Variants in SPATA13 observed in about 807,000 individuals in gnomAD.
The protein encoded by SPATA13 is spermatogenesis-associated protein 13.
Under a neutral mutation model 104.0 loss-of-function variants are expected in SPATA13, and 50 were observed. The observed-to-expected ratio is 0.48, with a 90% CI of 0.38 to 0.61. The LOEUF is 0.61. Among genes scored for constraint, SPATA13 ranks in the 20% least tolerant of loss-of-function variants. The pLI is 0.00. For synonymous variants in SPATA13, 606 were observed against 667.5 expected, an observed-to-expected ratio of 0.91 and a Z score of 1.42; for missense variants, 1,524 against 1,690.6, an observed-to-expected ratio of 0.90 and a Z score of 1.73.
chr13:24,160,171 G>A (rs967433540), upstream of SPATA13, among the ~76,000 whole-genome samples: 1 of 152,244 alleles, frequency 6.6e-6, no homozygotes, highest in African/African-American at 2.4e-5. Context: ...AGTGGGGCAC[G>A]GTTGCCCCGG....
intron 1 of SPATA13, among the ~76,000 whole-genome samples, chr13:23,980,180 G>C (rs1045091783): frequency 6.6e-6 from 1 of 151,860 alleles, no homozygotes; most frequent in East Asian, 1.9e-4. Context: ...GCGAGACTCC[G>C]TCTCAAAAAA....
chr13:24,291,906 G>A (rs7995088), intron 9 of SPATA13, among the ~76,000 whole-genome samples: 3,151 of 150,852 alleles, frequency 0.021, 118 homozygotes, highest in African/African-American at 0.071. Context: ...ACAGGCGCCC[G>A]CCACCGCGCC....
In SPATA13 at chr13:24,293,316, A is replaced by G. The variant is rs575378771; in HGVS notation, c.3081-1423A>G. Among the ~76,000 whole-genome samples the G allele has an allele frequency of 2.6e-5, 4 of 152,194 alleles. No homozygotes were observed. The South Asian group carries it at 8.3e-4, about 32-fold the overall frequency. On this transcript the variant is annotated intron_variant, in intron 9 of 12. Coordinates refer to ENST00000382108, the MANE Select transcript of SPATA13 (RefSeq NM_001166271.3). ...AAATACCTTCTACAGATTTTCAAAG[A>G]CACTTTTAAGAAAATGTCCTGATGG...
chr13:24,007,817 C>A (rs1270377335), intron 2 of SPATA13, among the ~76,000 whole-genome samples: 1 of 152,208 alleles, frequency 6.6e-6, no homozygotes, highest in Non-Finnish European at 1.5e-5. Context: ...TCAGCTCATG[C>A]ATTCACTGTG....
rs965867711 is a variant in SPATA13 at position 24,286,473 on chromosome 13, T to C, written c.2481+80T>C. The C allele has an allele frequency of 2.2e-6, 3 of 1,394,976 alleles. No individual in the cohort carries two copies. The Middle Eastern group carries it at 8.0e-4, about 371-fold the overall frequency. 86.4% of individuals were successfully genotyped at this position (1,394,976 alleles called of 1,614,324 possible). A position where few individuals can be genotyped will look rare whatever the true frequency, so the allele number is the denominator to read the frequency against. On this transcript the variant is annotated intron_variant, in intron 6 of 12. Coordinates refer to ENST00000382108, the MANE Select transcript of SPATA13 (RefSeq NM_001166271.3). The surrounding 1 kb of genome is among the most constrained non-coding windows in gnomAD (Gnocchi z 4.9). ...CTTTCAGGTCAGAACTCGCCTTTTATCAGGTCAGCTCTTTTGTAATTGATA... is the reference window on the plus strand; with the variant it reads ...CTTTCAGGTCAGAACTCGCCTTTTACCAGGTCAGCTCTTTTGTAATTGATA...
rs1470439504 is a variant in SPATA13 at position 24,088,397 on chromosome 13, T to C, written c.-112+70696T>C. Among the ~76,000 whole-genome samples, 1 of 152,118 alleles carries C rather than the reference T, an allele frequency of 6.6e-6. No homozygotes were observed. Among genetic ancestry groups the C allele is most frequent in the South Asian group, 2.1e-4 (1 of 4,816 alleles). On this transcript the variant is annotated intron_variant, in intron 3 of 14. Transcript: ENST00000424834. The surrounding 1 kb of genome is among the most constrained non-coding windows in gnomAD (Gnocchi z 4.3). ...CTGAACCCTGCACTCCATGCTCCAG[T>C]GTGGAGCCGCAGTTTCCTTTCTTCC...
At chr13:24,173,954 G>C (rs9511106) in intron 1 of SPATA13, among the ~76,000 whole-genome samples, 8,963 of 152,180 alleles carry the variant, frequency 0.059, 283 homozygotes, top group Middle Eastern at 0.078. Context: ...ATCAGGTTTT[G>C]GTACCAGGGA....
intron 3 of SPATA13, 68 bp downstream of exon 3, chr13:24,249,910 C>A: frequency 6.6e-7 from 1 of 1,515,196 alleles, no homozygotes. Context: ...ATTCTGTCTG[C>A]ACACTAAACT....
At chr13:24,192,808 A>T (rs1001411537) in intron 1 of SPATA13, among the ~76,000 whole-genome samples, 2 of 152,114 alleles carry the variant, frequency 1.3e-5, no homozygotes, top group East Asian at 1.9e-4. Flanking sequence ...AGAGGGTGAC[A>T]TGGGAAAAAA....
intron 3 of SPATA13, among the ~76,000 whole-genome samples, chr13:24,024,102 A>G (rs1355948716): frequency 6.6e-6 from 1 of 152,136 alleles, no homozygotes; most frequent in Non-Finnish European, 1.5e-5. Context: ...TGTGCTGCGG[A>G]GGTCAGTGTG....
intron 3 of SPATA13, among the ~76,000 whole-genome samples, chr13:24,110,720 T>G (rs1430084367): frequency 6.6e-6 from 1 of 152,182 alleles, no homozygotes; most frequent in African/African-American, 2.4e-5. Context: ...ATTTGGGGAA[T>G]ACATATGTAA....
Position 24,068,070 on chromosome 13 carries a change from T to A in SPATA13, c.-112+50369T>A, listed in dbSNP as rs117900647. On this transcript the variant is annotated intron_variant, in intron 3 of 14. Coordinates refer to the SPATA13 transcript ENST00000424834. ...TGTTCATTAGATAGGTAAACTTGTA[T>A]CATGGGGGTTTGTTGTACAGATTAT... Among the ~76,000 whole-genome samples, 338 of 152,326 alleles carry A rather than the reference T, an allele frequency of 2.2e-3. 7 individuals carry two copies. The East Asian group carries it at 0.032, about 15-fold the overall frequency.
intron 3 of SPATA13, among the ~76,000 whole-genome samples, chr13:24,023,009 A>G (rs180740346): frequency 1.1e-4 from 17 of 152,226 alleles, no homozygotes; most frequent in Non-Finnish European, 2.5e-4. Flanking sequence ...TTACATAGGT[A>G]TACATGTACC....
In SPATA13 at chr13:24,297,585, T is replaced by A. The variant is rs1876881131; in HGVS notation, c.3433T>A (p.Cys1145Ser). ...VDLGDGRDKD[C>S]NLSVKNAFKL... ...CCTGGGGGATGGGCGCGACAAGGAC[T>A]GCAACCTCAGCGTGAAAAATGCCTT... Residue 1145 changes from cysteine (C) to serine (S), a missense_variant, in exon 11 of 13, where the codon TGC becomes AGC. This residue lies in a region of SPATA13 where 435 missense variants were observed against 554.8 expected (regional missense o/e 0.78). Coordinates refer to ENST00000382108, the MANE Select transcript of SPATA13 (RefSeq NM_001166271.3). 8 of 1,614,212 alleles carry A rather than the reference T, an allele frequency of 5.0e-6. No individual in the cohort carries two copies. Among genetic ancestry groups the A allele is most frequent in the Non-Finnish European group, 6.8e-6 (8 of 1,180,046 alleles).
chr13:24,267,061 A>G (rs1374700689), intron 4 of SPATA13, among the ~76,000 whole-genome samples: 2 of 152,156 alleles, frequency 1.3e-5, no homozygotes, highest in South Asian at 2.1e-4. Flanking sequence ...AATTAAGCTG[A>G]AAGTCCTATC....
At chr13:24,148,330 C>T (rs1881997361) in intron 3 of SPATA13, among the ~76,000 whole-genome samples, 1 of 151,866 alleles carries the variant, frequency 6.6e-6, no homozygotes, top group African/African-American at 2.4e-5. Context: ...GTCTTTTGTG[C>T]ACAATTTCAC....
chr13:24,160,257 T>C (rs1882414053), upstream of SPATA13, among the ~76,000 whole-genome samples: 2 of 152,094 alleles, frequency 1.3e-5, no homozygotes, highest in Non-Finnish European at 2.9e-5. Context: ...TTTGTTTCTT[T>C]TTTTAAAAAA....
chr13:24,232,508 A>G (rs2138628827), intron 2 of SPATA13, among the ~76,000 whole-genome samples: 1 of 152,172 alleles, frequency 6.6e-6, no homozygotes, highest in Non-Finnish European at 1.5e-5. Flanking sequence ...AATTACAAAT[A>G]TTTTCTCACA....
At chr13:24,171,887 T>C (rs1055709913) in intron 1 of SPATA13, among the ~76,000 whole-genome samples, 1 of 152,218 alleles carries the variant, frequency 6.6e-6, no homozygotes, top group Non-Finnish European at 1.5e-5. Context: ...CAGTATATAA[T>C]TGTATCAGCA....
Sources: gnomAD v4.1 joint callset for allele counts (sites outside exome capture counted in the v4.1 genomes callset) on GRCh38, gnomAD v4.1.1 for gene constraint, gnomAD v4.1.1 regional missense constraint, Gnocchi (gnomAD v3.1) non-coding constraint, MANE v1.5 for transcripts, NCBI Gene and HGNC (gene_info 2026-07-23, HGNC 2026-07-21) for gene names.